The following KLRD1 variants were observed in gnomAD, a reference collection of about 807,000 sequenced individuals.
KLRD1 encodes natural killer cells antigen CD94.
A neutral mutation model predicts 22.6 loss-of-function variants in KLRD1; 21 were observed. The observed-to-expected ratio is 0.93, with a 90% CI of 0.66 to 1.34. The LOEUF (loss-of-function observed/expected upper bound fraction) is 1.34, where lower values mean the gene tolerates loss of function less well. KLRD1 is among the 40% of genes most tolerant of loss of function. The probability of loss-of-function intolerance (pLI) is 0.00; values close to 1 mark genes in which losing one functional copy is unlikely to be tolerated. For missense variants in KLRD1, 183 were observed against 208.6 expected (o/e 0.88, Z 0.76); for synonymous variants, 59 against 71.1 (o/e 0.83, Z 0.85).
Position 10,315,802 on chromosome 12 carries a change from A to G in KLRD1, c.*1009A>G. 6.6e-6 allele frequency: 1 copy of G among 152,078 alleles called. No homozygotes were observed. The highest frequency in any genetic ancestry group is 1.5e-5 in the Non-Finnish European group (1 of 68,024). The allele number at this position is 152,078 out of a possible 1,614,324, so 9.4% of individuals were successfully genotyped here. A position where few individuals can be genotyped will look rare whatever the true frequency, so the allele number is the denominator to read the frequency against. ...TTTTCATCATTTTTGTGATGAAAAA[A>G]TTAATTTTGATTGACTTAGGATGGA... On this transcript the variant is annotated 3_prime_UTR_variant, in exon 6 of 6. Transcript: ENST00000336164.
At position 10,317,132 on chromosome 12, in the gene KLRD1, A is replaced by G. The variant is rs1478956623; in HGVS notation, c.*2339A>G. 1 of 152,190 alleles carries G rather than the reference A, an allele frequency of 6.6e-6. No homozygotes were observed. The highest frequency in any genetic ancestry group is 1.5e-5 in the Non-Finnish European group (1 of 68,046). The allele number at this position is 152,190 out of a possible 1,614,324, so 9.4% of individuals were successfully genotyped here. A position where few individuals can be genotyped will look rare whatever the true frequency, so the allele number is the denominator to read the frequency against. On this transcript the variant is annotated 3_prime_UTR_variant, in exon 6 of 6. Transcript: ENST00000336164. Reference sequence around the variant, plus strand: ...ATGAACTCATTCTTTTTATGGCTGCATAGTATTCCATGGTGTATATGTGCC... The same window carrying G: ...ATGAACTCATTCTTTTTATGGCTGCGTAGTATTCCATGGTGTATATGTGCC...
chr12:10,281,360 G>A (rs1180429591), intron 1 of KLRD1, among the ~76,000 whole-genome samples: 1 of 152,104 alleles, frequency 6.6e-6, no homozygotes, highest in Non-Finnish European at 1.5e-5. Flanking sequence ...AATAATTTTT[G>A]TTGTTTTTCT....
intron 1 of KLRD1, among the ~76,000 whole-genome samples, chr12:10,268,725 T>G (rs571637008): frequency 3.3e-5 from 5 of 152,342 alleles, no homozygotes; most frequent in Admixed American, 1.3e-4. Flanking sequence ...CTAATAGTTA[T>G]AGCAGTCATC....
At chr12:10,308,209 A>G (rs1949969276) in intron 1 of KLRD1, 125 bp downstream of exon 1, 1 of 759,276 alleles carries the variant, frequency 1.3e-6, no homozygotes, top group Non-Finnish European at 2.3e-6. Flanking sequence ...TAGGATTTTC[A>G]TGCATTAGCA....
intron 1 of KLRD1, among the ~76,000 whole-genome samples, chr12:10,239,745 G>A (rs1222979484): frequency 1.3e-5 from 2 of 149,424 alleles, no homozygotes; most frequent in Non-Finnish European, 3.0e-5. Flanking sequence ...GGGTTCAGGC[G>A]ATTCTCCTGC....
rs757804800 is a variant in KLRD1, at chr12:10,313,545, T to A, written c.419+32T>A. 22 of 1,323,260 alleles carry A rather than the reference T, an allele frequency of 1.7e-5. 1 individual carries two copies. The highest frequency in any genetic ancestry group is 1.8e-5 in the Non-Finnish European group (17 of 946,334). The allele number at this position is 1,323,260 out of a possible 1,614,324, so 82.0% of individuals were successfully genotyped here. ...TTCTGGCAATCATGGCGTTTTTTGC[T>A]CTTTATGAATTTGTCCTTAAATGTG... On this transcript the variant is annotated intron_variant, in intron 5 of 5. Transcript: ENST00000336164.
At chr12:10,251,324 C>A (rs550374784) in intron 1 of KLRD1, among the ~76,000 whole-genome samples, 1 of 152,136 alleles carries the variant, frequency 6.6e-6, no homozygotes, top group South Asian at 2.1e-4. Flanking sequence ...AGGGCTTCAC[C>A]ATGTTGTCCA....
At position 10,246,928 on chromosome 12, in the gene KLRD1, C is replaced by CTTTTTTTTTTTT. The variant is rs1208226436; in HGVS notation, c.-101+20699_-101+20700insTTTTTTTTTTTT. 4.9e-4 allele frequency among the ~76,000 whole-genome samples: 63 copies of CTTTTTTTTTTTT among 129,676 alleles called. 2 individuals are homozygous for CTTTTTTTTTTTT. The highest frequency in any genetic ancestry group is 1.3e-3 in the East Asian group (5 of 3,864). 85.1% of individuals were successfully genotyped at this position (129,676 alleles called of 152,430 possible). ...TTCTTTTTTCTTTTTCTTTTCTTTTCTTTTCTTTTTTTTTTTTTTTTTGAG... is the reference window on the plus strand; with the variant it reads ...TTCTTTTTTCTTTTTCTTTTCTTTTCTTTTTTTTTTTTTTTTCTTTTTTTTTTTTTTTTTGAG... On this transcript the variant is annotated intron_variant, in intron 1 of 5. Transcript: ENST00000544747.
rs1475684825 is a variant in KLRD1, at chr12:10,329,053, C to T, written c.*14260C>T. The T allele has an allele frequency of 6.6e-6, 1 of 152,182 alleles. No homozygotes were observed. Among genetic ancestry groups the T allele is most frequent in the East Asian group, 1.9e-4 (1 of 5,196 alleles). The allele number at this position is 152,182 out of a possible 1,614,324, so 9.4% of individuals were successfully genotyped here. A position where few individuals can be genotyped will look rare whatever the true frequency, so the allele number is the denominator to read the frequency against. On this transcript the variant is annotated 3_prime_UTR_variant, in exon 6 of 6. Coordinates refer to ENST00000336164, the MANE Select transcript of KLRD1 (RefSeq NM_002262.5). Reference sequence around the variant, plus strand: ...TGGGGGAATTATGGGAGCTACAATTCAAGATGAGATTTGGGTGGGGACACA... The same window carrying T: ...TGGGGGAATTATGGGAGCTACAATTTAAGATGAGATTTGGGTGGGGACACA...
chr12:10,260,707 G>A (rs569481388), intron 1 of KLRD1, among the ~76,000 whole-genome samples: 11 of 152,210 alleles, frequency 7.2e-5, no homozygotes, highest in East Asian at 3.9e-4. Context: ...TTGGGAGGCC[G>A]AGGTGGGCAG....
intron 1 of KLRD1, among the ~76,000 whole-genome samples, chr12:10,257,411 C>G (rs1467692567): frequency 6.8e-6 from 1 of 146,002 alleles, no homozygotes; most frequent in Non-Finnish European, 1.5e-5. Context: ...TCACTTTTCT[C>G]TGTTCTTTTA....
At chr12:10,281,124 T>G (rs1379562654) in intron 1 of KLRD1, among the ~76,000 whole-genome samples, 2 of 152,190 alleles carry the variant, frequency 1.3e-5, no homozygotes, top group Admixed American at 6.6e-5. Context: ...GCTTAAAATG[T>G]AACCCCAAGT....
At chr12:10,256,818 A>T (rs1457036807) in intron 1 of KLRD1, among the ~76,000 whole-genome samples, 1 of 152,060 alleles carries the variant, frequency 6.6e-6, no homozygotes, top group Non-Finnish European at 1.5e-5. Flanking sequence ...TATGATGATG[A>T]TGAATTATTG....
In KLRD1 at chr12:10,320,307, A is replaced by T. The variant is rs971110695; in HGVS notation, c.*5514A>T. On this transcript the variant is annotated 3_prime_UTR_variant, in exon 6 of 6. Coordinates refer to ENST00000336164, the MANE Select transcript of KLRD1 (RefSeq NM_002262.5). Reference sequence around the variant, plus strand: ...AATTTTGGAGTGCTTGAAAACAGGCAGTGGATGGAGGCCAAAAGGACAGGA... The same window carrying T: ...AATTTTGGAGTGCTTGAAAACAGGCTGTGGATGGAGGCCAAAAGGACAGGA... 2.0e-5 allele frequency: 3 copies of T among 151,868 alleles called. No individual in the cohort carries two copies. The highest frequency in any genetic ancestry group is 6.6e-5 in the Admixed American group (1 of 15,254). The allele number at this position is 151,868 out of a possible 1,614,324, so 9.4% of individuals were successfully genotyped here. A position where few individuals can be genotyped will look rare whatever the true frequency, so the allele number is the denominator to read the frequency against.
At chr12:10,294,438 G>T (rs1229260788) in intron 1 of KLRD1, among the ~76,000 whole-genome samples, 1 of 152,062 alleles carries the variant, frequency 6.6e-6, no homozygotes, top group Non-Finnish European at 1.5e-5. Flanking sequence ...TCACTCTATA[G>T]CCCAGTCTGG....
intron 3 of KLRD1, among the ~76,000 whole-genome samples, chr12:10,310,210 C>A (rs1219781561): frequency 6.6e-6 from 1 of 152,188 alleles, no homozygotes; most frequent in African/African-American, 2.4e-5. Flanking sequence ...CTCCCTGGTT[C>A]AAGTGATTCT....
intron 1 of KLRD1, among the ~76,000 whole-genome samples, chr12:10,283,434 A>T (rs1378341389): frequency 6.6e-6 from 1 of 152,196 alleles, no homozygotes; most frequent in African/African-American, 2.4e-5. Flanking sequence ...AGCTCTAGAG[A>T]TCTGCTGTAC....
chr12:10,255,675 T>C (rs1949388889), intron 1 of KLRD1, among the ~76,000 whole-genome samples: 1 of 152,210 alleles, frequency 6.6e-6, no homozygotes, highest in Non-Finnish European at 1.5e-5. Flanking sequence ...CTAGTTTCAT[T>C]CCATTGTGAT....
upstream of KLRD1, among the ~76,000 whole-genome samples, chr12:10,305,094 GT>G (rs1486684987): frequency 1.3e-5 from 2 of 152,162 alleles, no homozygotes; most frequent in Non-Finnish European, 1.5e-5. Flanking sequence ...AGACTTCACT[GT>G]TTATATGTTA....
Sources: allele counts gnomAD v4.1 joint callset (sites outside exome capture counted in the v4.1 genomes callset), GRCh38; gene constraint gnomAD v4.1.1; transcripts MANE v1.5; gene names NCBI Gene and HGNC (gene_info 2026-07-23, HGNC 2026-07-21).